Variants in CCDC91 observed in about 807,000 individuals in gnomAD.
CCDC91 encodes the protein coiled-coil domain-containing protein 91.
CCDC91 carries 48 observed loss-of-function variants against 63.2 expected under a neutral mutation model. The observed-to-expected ratio is 0.76, with a 90% confidence interval of 0.60 to 0.97. The LOEUF (loss-of-function observed/expected upper bound fraction) is 0.97, where lower values mean the gene tolerates loss of function less well. Among genes scored for constraint, CCDC91 ranks in the 50% least tolerant of loss-of-function variants. CCDC91 has a pLI of 0.00. For synonymous variants in CCDC91, 167 were observed against 165.8 expected, an observed-to-expected ratio of 1.01 and a Z score of -0.06; for missense variants, 500 against 494.6, an observed-to-expected ratio of 1.01 and a Z score of -0.10.
intron 7 of CCDC91, 98 bp from the exon 8 acceptor site, chr12:28,391,206 C>T (rs1221877571): frequency 1.0e-5 from 6 of 598,198 alleles, no homozygotes; most frequent in South Asian, 7.5e-5. Flanking sequence ...AGGAGAATAT[C>T]GTATTACAGT....
intron 11 of CCDC91, among the ~76,000 whole-genome samples, chr12:28,478,265 T>C (rs1951230930): frequency 6.6e-6 from 1 of 152,040 alleles, no homozygotes; most frequent in Admixed American, 6.6e-5. Context: ...AAAACAGAGA[T>C]ATAGACCAAT....
chr12:28,310,288 A>T (rs1318171306), intron 6 of CCDC91, among the ~76,000 whole-genome samples: 2 of 152,062 alleles, frequency 1.3e-5, no homozygotes, highest in African/African-American at 4.8e-5. Context: ...GGGAACAGTA[A>T]CATATCAGAG....
intron 1 of CCDC91, among the ~76,000 whole-genome samples, chr12:28,255,182 C>A (rs936886729): frequency 7.9e-5 from 12 of 152,124 alleles, no homozygotes; most frequent in Non-Finnish European, 1.2e-4. Context: ...CACAGTCAAA[C>A]AAGCTGAAAT....
intron 1 of CCDC91, among the ~76,000 whole-genome samples, chr12:28,242,575 G>GGA (rs553540651): frequency 2.0e-5 from 3 of 151,592 alleles, no homozygotes; most frequent in East Asian, 1.9e-4. Context: ...CAGTGGGTGG[G>GGA]GAGAGAGAGA....
At chr12:28,215,635 T>TAA (rs1943514188) in intron 1 of CCDC91, among the ~76,000 whole-genome samples, 1 of 152,030 alleles carries the variant, frequency 6.6e-6, no homozygotes, top group Non-Finnish European at 1.5e-5. Context: ...AATAAATGAC[T>TAA]AAATACTATG....
chr12:28,508,991 T>A (rs1364595601), intron 12 of CCDC91, among the ~76,000 whole-genome samples: 2 of 151,962 alleles, frequency 1.3e-5, no homozygotes, highest in Non-Finnish European at 2.9e-5. Context: ...GGCCATTCCA[T>A]CATTCTGTTA....
chr12:28,247,305 C>T (rs1217105162), intron 1 of CCDC91, among the ~76,000 whole-genome samples: 1 of 151,900 alleles, frequency 6.6e-6, no homozygotes, highest in Non-Finnish European at 1.5e-5. Context: ...ATGGTGAAAC[C>T]CCGCCTCTAC....
At chr12:28,304,376 AAAAAAAAAAAAAAAAAAAAAAAAAAG>A (rs2137048644) in intron 3 of CCDC91, among the ~76,000 whole-genome samples, 2 of 16,586 alleles carry the variant, frequency 1.2e-4, no homozygotes, top group East Asian at 1.7e-3. Context: ...GACTCCGTCT[AAAAAAAAAAAAAAAAAAAAAAAAAAG>A]AAAAAAAAAA....
chr12:28,338,294 C>T (rs983676331), intron 6 of CCDC91, among the ~76,000 whole-genome samples: 1 of 145,772 alleles, frequency 6.9e-6, no homozygotes, highest in Admixed American at 6.9e-5. Context: ...CACAGACTTT[C>T]CCCTAAACTC....
chr12:28,480,824 C>G (rs188098606), intron 11 of CCDC91, among the ~76,000 whole-genome samples: 55 of 152,064 alleles, frequency 3.6e-4, no homozygotes, highest in African/African-American at 1.3e-3. Flanking sequence ...AATAACTGAG[C>G]TATGTTTACA....
intron 8 of CCDC91, among the ~76,000 whole-genome samples, chr12:28,445,547 A>G (rs1008682560): frequency 6.6e-6 from 1 of 152,224 alleles, no homozygotes; most frequent in Non-Finnish European, 1.5e-5. Context: ...TACAAGCACT[A>G]GGTGCTGTAT....
At chr12:28,476,700 CA>C (rs1399650090) in intron 11 of CCDC91, among the ~76,000 whole-genome samples, 4 of 151,654 alleles carry the variant, frequency 2.6e-5, no homozygotes, top group Non-Finnish European at 5.9e-5. Context: ...TTGAAAAGAT[CA>C]ACAAAATTAA....
At chr12:28,296,456 TG>T (rs1280845658) in intron 3 of CCDC91, among the ~76,000 whole-genome samples, 1 of 151,868 alleles carries the variant, frequency 6.6e-6, no homozygotes, top group Admixed American at 6.6e-5. Context: ...ATAACTAAAA[TG>T]GTAGACATTT....
chr12:28,302,726 A>G, intron 3 of CCDC91: 1 of 735,616 alleles, frequency 1.4e-6, no homozygotes, highest in African/African-American at 1.9e-5. Context: ...TGAGATGGAA[A>G]ACATGAAGCA....
chr12:28,490,414 C>G (rs1465796693), intron 12 of CCDC91, among the ~76,000 whole-genome samples: 1 of 151,882 alleles, frequency 6.6e-6, no homozygotes, highest in African/African-American at 2.4e-5. Context: ...TTAGCCTTCT[C>G]TACATAAGCT....
intron 1 of CCDC91, among the ~76,000 whole-genome samples, chr12:28,227,891 A>C (rs1300073100): frequency 1.4e-5 from 2 of 147,516 alleles, no homozygotes; most frequent in Non-Finnish European, 2.9e-5. Flanking sequence ...ACTTGATCTC[A>C]CTATAGCATT....
intron 1 of CCDC91, among the ~76,000 whole-genome samples, chr12:28,252,443 T>G (rs1468244667): frequency 4.6e-5 from 7 of 152,162 alleles, no homozygotes; most frequent in Non-Finnish European, 8.8e-5. Flanking sequence ...TGTAACTTTT[T>G]TTTACTCTGA....
intron 6 of CCDC91, among the ~76,000 whole-genome samples, chr12:28,315,966 T>C (rs1190562856): frequency 1.3e-5 from 2 of 151,980 alleles, no homozygotes; most frequent in Admixed American, 1.3e-4. Context: ...GTGACTCATA[T>C]AGAAATTCCT....
At chr12:28,266,928 A>ATG (rs1428790312) in intron 3 of CCDC91, among the ~76,000 whole-genome samples, 1 of 151,924 alleles carries the variant, frequency 6.6e-6, no homozygotes, top group Non-Finnish European at 1.5e-5. Flanking sequence ...GATTCCATTT[A>ATG]GCTCAGAAAC....
Sources: allele counts gnomAD v4.1 joint callset (sites outside exome capture counted in the v4.1 genomes callset), GRCh38; gene constraint gnomAD v4.1.1; transcripts MANE v1.5; gene names NCBI Gene and HGNC (gene_info 2026-07-23, HGNC 2026-07-21).